The following CAMSAP1 variants were observed in gnomAD, a reference collection of about 807,000 sequenced individuals.
The protein encoded by CAMSAP1 is calmodulin-regulated spectrin-associated protein 1.
Under a neutral mutation model 143.5 loss-of-function variants are expected in CAMSAP1, and 58 were observed. The ratio of observed to expected loss-of-function variants is 0.40; its 90% confidence interval spans 0.33 to 0.50. The LOEUF is 0.50. Among genes scored for constraint, CAMSAP1 ranks in the 20% least tolerant of loss-of-function variants. CAMSAP1 has a pLI of 0.45. For missense variants in CAMSAP1, 1,969 were observed against 2,115.7 expected, an observed-to-expected ratio of 0.93 and a Z score of 1.36; for synonymous variants, 945 against 859.3, an observed-to-expected ratio of 1.10 and a Z score of -1.74.
intron 4 of CAMSAP1, among the ~76,000 whole-genome samples, chr9:135,864,666 T>G (rs949395983): frequency 3.9e-5 from 6 of 152,236 alleles, no homozygotes; most frequent in Non-Finnish European, 7.3e-5. Flanking sequence ...CAACTAGGGT[T>G]GGAAAACCAA....
intron 1 of CAMSAP1, among the ~76,000 whole-genome samples, chr9:135,905,937 C>A (rs1047063279): frequency 3.9e-5 from 6 of 152,236 alleles, no homozygotes; most frequent in African/African-American, 1.4e-4. Context: ...CATTACAACA[C>A]AGAAACTAAG....
intron 7 of CAMSAP1, among the ~76,000 whole-genome samples, chr9:135,831,490 A>T (rs931177272): frequency 2.6e-5 from 4 of 152,042 alleles, no homozygotes; most frequent in African/African-American, 9.7e-5. Flanking sequence ...TAAAAAAAAA[A>T]AAAGGAATTC....
intron 7 of CAMSAP1, among the ~76,000 whole-genome samples, chr9:135,828,690 C>T (rs1835757902): frequency 6.6e-6 from 1 of 152,260 alleles, no homozygotes; most frequent in Non-Finnish European, 1.5e-5. Context: ...AGGCCAGTAT[C>T]CCTGCTGGCC....
intron 7 of CAMSAP1, among the ~76,000 whole-genome samples, chr9:135,834,727 T>G (rs1835960234): frequency 6.6e-6 from 1 of 152,152 alleles, no homozygotes; most frequent in South Asian, 2.1e-4. Flanking sequence ...AGCAATACTA[T>G]GTTGTCCGTT....
intron 7 of CAMSAP1, among the ~76,000 whole-genome samples, chr9:135,849,459 A>T (rs1009135183): frequency 1.3e-5 from 2 of 152,190 alleles, no homozygotes; most frequent in Non-Finnish European, 2.9e-5. Flanking sequence ...GCTTTTCACA[A>T]ATCAGTTAGG....
chr9:135,880,707 G>A (rs1442545624), intron 3 of CAMSAP1, among the ~76,000 whole-genome samples: 1 of 152,322 alleles, frequency 6.6e-6, no homozygotes, highest in South Asian at 2.1e-4. Flanking sequence ...CATCCTGCGT[G>A]AGCCTCTTAT....
At position 135,876,100 on chromosome 9, in the gene CAMSAP1, C is replaced by CATGT. The variant is rs1837739151; in HGVS notation, c.585+5532_585+5533insACAT. On this transcript the variant is annotated intron_variant, in intron 3 of 16. Transcript: ENST00000389532. The stretch of plus-strand genomic sequence containing the variant: ...CCTCCTGAGTAGCTGGGATTACAGG[C>CATGT]GCCCGCCATCACGCCTAATTTTTGT... Among the ~76,000 whole-genome samples, 5 of 152,276 alleles carry CATGT rather than the reference C, an allele frequency of 3.3e-5. No individual in the cohort carries two copies. The South Asian group carries it at 1.0e-3, about 32-fold the overall frequency.
rs1460343963 is a variant in CAMSAP1 at position 135,818,752 on chromosome 9, C to T, written c.3960-136G>A. 4.2e-6 allele frequency: 5 copies of T among 1,183,716 alleles called. No individual in the cohort carries two copies. The East Asian group carries it at 7.7e-5, about 18-fold the overall frequency. 73.3% of individuals were successfully genotyped at this position (1,183,716 alleles called of 1,614,324 possible). A position where few individuals can be genotyped will look rare whatever the true frequency, so the allele number is the denominator to read the frequency against. ...ACCAAGAGTGGCCAGCCTCCACAAG[C>T]GGGACACAGAGGCTGCAAAGGCAGT... On this transcript the variant is annotated intron_variant, in intron 12 of 16. Coordinates refer to ENST00000389532, the MANE Select transcript of CAMSAP1 (RefSeq NM_015447.4). This position sits in a 1 kb window ranked among gnomAD's most constrained non-coding sequence, Gnocchi z 7.7.
In CAMSAP1 at chr9:135,815,638, C is replaced by T. The variant is rs963861728; in HGVS notation, c.4387+252G>A. ...CCACCACTCCCGGGCTCTGCTGCCC[C>T]CAGGTCCGCTGCCCCCTGCACAGCA... On this transcript the variant is annotated intron_variant, in intron 15 of 16. Transcript: ENST00000389532. Among the ~76,000 whole-genome samples, 9 of 152,344 alleles carry T rather than the reference C, an allele frequency of 5.9e-5. No individual in the cohort carries two copies. In the East Asian group the frequency reaches 1.7e-3, roughly 29 times the overall value.
At chr9:135,833,766 T>G (rs557162663) in intron 7 of CAMSAP1, among the ~76,000 whole-genome samples, 75 of 152,290 alleles carry the variant, frequency 4.9e-4, no homozygotes, top group African/African-American at 1.8e-3. Context: ...TGGTGATGAT[T>G]TGGTTATCAC....
intron 7 of CAMSAP1, among the ~76,000 whole-genome samples, chr9:135,841,810 A>G (rs941941944): frequency 6.6e-6 from 1 of 152,222 alleles, no homozygotes; most frequent in African/African-American, 2.4e-5. Context: ...AACATCAACA[A>G]AAAGGACATC....
chr9:135,829,189 C>T lies in CAMSAP1; in HGVS notation c.1046-1605G>A, dbSNP rs556883659. 4.6e-5 allele frequency among the ~76,000 whole-genome samples: 7 copies of T among 152,282 alleles called. No individual in the cohort carries two copies. The East Asian group carries it at 9.6e-4, about 21-fold the overall frequency. Reference sequence around the variant, plus strand: ...ATTACCATAACAGTGGTAGATACATCGCTTTTAATTCCATTATAAAAGTTA... The same window carrying T: ...ATTACCATAACAGTGGTAGATACATTGCTTTTAATTCCATTATAAAAGTTA... On this transcript the variant is annotated intron_variant, in intron 7 of 16. Coordinates refer to ENST00000389532, the MANE Select transcript of CAMSAP1 (RefSeq NM_015447.4).
rs1834923469 is a variant in CAMSAP1 at position 135,808,491 on chromosome 9, T to C, written c.*2818A>G. ...TGTAAAACATTCTCCAAGTGATGAA[T>C]TTTTAACAGAAAATTTTATTTCAAT... On this transcript the variant is annotated 3_prime_UTR_variant, in exon 17 of 17. Coordinates refer to ENST00000389532, the MANE Select transcript of CAMSAP1 (RefSeq NM_015447.4). 1 of 152,274 alleles carries C rather than the reference T, an allele frequency of 6.6e-6. No homozygotes were observed. The highest frequency in any genetic ancestry group is 1.9e-4 in the East Asian group (1 of 5,202). The allele number at this position is 152,274 out of a possible 1,614,324, so 9.4% of individuals were successfully genotyped here. A position where few individuals can be genotyped will look rare whatever the true frequency, so the allele number is the denominator to read the frequency against.
chr9:135,891,449 G>A (rs751437895), intron 1 of CAMSAP1, among the ~76,000 whole-genome samples: 7 of 152,212 alleles, frequency 4.6e-5, no homozygotes, highest in Non-Finnish European at 1.0e-4. Context: ...TGTGCCTTGG[G>A]CAGGCCCGGG....
chr9:135,874,485 G>T lies in CAMSAP1; in HGVS notation c.585+7148C>A, dbSNP rs975346427. Among the ~76,000 whole-genome samples, 13 of 149,824 alleles carry T rather than the reference G, an allele frequency of 8.7e-5. 2 individuals carry two copies. Among genetic ancestry groups the T allele is most frequent in the Admixed American group, 8.0e-4 (12 of 15,068 alleles). ...GAGACCCTGTCTCAAAAAAGGGGGG[G>T]GGGGGCCACAGGGGCCGGGAACTCC... On this transcript the variant is annotated intron_variant, in intron 3 of 16. Coordinates refer to ENST00000389532, the MANE Select transcript of CAMSAP1 (RefSeq NM_015447.4).
Position 135,907,170 on chromosome 9 carries a change from A to C in CAMSAP1, c.-11T>G. ...GCTCGCGTCCACCATCTGCAGACAA[A>C]GGGCTGAGGCGGCGGCCCGGCCGCA... On this transcript the variant is annotated 5_prime_UTR_variant, in exon 1 of 17. Transcript: ENST00000389532. 2.8e-6 allele frequency: 3 copies of C among 1,082,596 alleles called. No homozygotes were observed. Among genetic ancestry groups the C allele is most frequent in the Non-Finnish European group, 3.4e-6 (3 of 892,162 alleles). 67.1% of individuals were successfully genotyped at this position (1,082,596 alleles called of 1,614,324 possible). A position where few individuals can be genotyped will look rare whatever the true frequency, so the allele number is the denominator to read the frequency against.
Position 135,818,165 on chromosome 9 carries a change from C to A in CAMSAP1, c.4169-86G>T. 7.1e-7 allele frequency: 1 copy of A among 1,399,930 alleles called. No homozygotes were observed. Among genetic ancestry groups the A allele is most frequent in the South Asian group, 1.2e-5 (1 of 80,030 alleles). The allele number at this position is 1,399,930 out of a possible 1,614,324, so 86.7% of individuals were successfully genotyped here. The stretch of plus-strand genomic sequence containing the variant: ...CCCTGTACCTGTTCCCCTCACCTCG[C>A]CCTGCAGAGCTCGGCCACACAGGCC... On this transcript the variant is annotated intron_variant, in intron 13 of 16. Transcript: ENST00000389532. This position sits in a 1 kb window ranked among gnomAD's most constrained non-coding sequence, Gnocchi z 7.7.
chr9:135,832,268 G>A (rs1306082113), intron 7 of CAMSAP1, among the ~76,000 whole-genome samples: 1 of 152,072 alleles, frequency 6.6e-6, no homozygotes, highest in African/African-American at 2.4e-5. Flanking sequence ...GTTCAACAAA[G>A]ACAAATCAAT....
intron 1 of CAMSAP1, among the ~76,000 whole-genome samples, chr9:135,883,797 T>C (rs144520969): frequency 5.9e-5 from 9 of 152,292 alleles, no homozygotes; most frequent in African/African-American, 1.4e-4. Context: ...AAATGAGAAA[T>C]TGAGGCACAG....
Sources: allele counts gnomAD v4.1 joint callset (sites outside exome capture counted in the v4.1 genomes callset), GRCh38; gene constraint gnomAD v4.1.1; non-coding constraint Gnocchi (gnomAD v3.1); transcripts MANE v1.5; gene names NCBI Gene and HGNC (gene_info 2026-07-23, HGNC 2026-07-21).